The following FUT8 variants were observed in gnomAD, a reference collection of about 807,000 sequenced individuals.
FUT8 encodes the protein alpha-(1,6)-fucosyltransferase.
FUT8 carries 29 observed loss-of-function variants against 71.3 expected under a neutral mutation model. That is an observed-to-expected ratio of 0.41 (90% CI 0.30 to 0.55). FUT8 has a LOEUF of 0.55. FUT8 is among the 20% of genes least tolerant of loss of function. FUT8 has a pLI of 0.34. For missense variants in FUT8, 544 were observed against 702.1 expected (o/e 0.77, Z 2.55); for synonymous variants, 254 against 239.3 (o/e 1.06, Z -0.57).
At chr14:65,554,401 GT>G (rs201905501) in intron 2 of FUT8, among the ~76,000 whole-genome samples, 80 of 135,232 alleles carry the variant, frequency 5.9e-4, no homozygotes, top group East Asian at 2.1e-3. Context: ...TATGGTTTGG[GT>G]TTTTTTTTTA....
chr14:65,371,378 C>A, the FUT8 span, among the ~76,000 whole-genome samples: 1 of 152,178 alleles, frequency 6.6e-6, no homozygotes, highest in East Asian at 1.9e-4. Context: ...AGGAAATTAA[C>A]GTTGATGTAT....
chr14:65,539,772 A>G (rs1035971681), intron 2 of FUT8, among the ~76,000 whole-genome samples: 4 of 152,222 alleles, frequency 2.6e-5, no homozygotes, highest in African/African-American at 9.6e-5. Context: ...CCAATTATGT[A>G]TAAAATGGGG....
chr14:65,677,151 T>TGTGTGCGCGCGCGCGCGCGC, intron 7 of FUT8, among the ~76,000 whole-genome samples: 1 of 110,702 alleles, frequency 9.0e-6, no homozygotes, highest in Admixed American at 9.2e-5. Context: ...TGTGTGTGTG[T>TGTGTGCGCGCGCGCGCGCGC]GCGCGCGCGC....
At chr14:65,650,707 C>CAAAAAAAAAAAA (rs57971519) in intron 6 of FUT8, among the ~76,000 whole-genome samples, 14 of 118,954 alleles carry the variant, frequency 1.2e-4, no homozygotes, top group Middle Eastern at 4.4e-3. Context: ...CTGCTAATTA[C>CAAAAAAAAAAAA]AAAAAAAAAA....
chr14:65,367,782 C>G, the FUT8 span, among the ~76,000 whole-genome samples: 2 of 152,026 alleles, frequency 1.3e-5, no homozygotes, highest in African/African-American at 2.4e-5. Context: ...AGGCTTTTAC[C>G]CACCAAATCC....
At chr14:65,459,177 C>T (rs138506579) in intron 2 of FUT8, among the ~76,000 whole-genome samples, 10 of 152,204 alleles carry the variant, frequency 6.6e-5, no homozygotes, top group South Asian at 2.1e-4. Context: ...ATCTGTTCAA[C>T]GGGCAAATAC....
chr14:65,682,522 C>A (rs1471337576), intron 7 of FUT8, among the ~76,000 whole-genome samples: 1 of 151,372 alleles, frequency 6.6e-6, no homozygotes, highest in Non-Finnish European at 1.5e-5. Flanking sequence ...AAAAAAGGAA[C>A]CCCAAGGGAT....
At chr14:65,509,712 C>T (rs1194698105) in intron 2 of FUT8, among the ~76,000 whole-genome samples, 7 of 151,740 alleles carry the variant, frequency 4.6e-5, no homozygotes, top group Admixed American at 4.6e-4. Context: ...TTTTAAATTT[C>T]TTTTTCAATT....
chr14:65,739,106 G>GAAT (rs1305066336), intron 10 of FUT8, among the ~76,000 whole-genome samples: 11 of 151,982 alleles, frequency 7.2e-5, no homozygotes, highest in African/African-American at 2.7e-4. Flanking sequence ...TGTAAAATAT[G>GAAT]AATAATAATA....
rs185611741 is a variant in FUT8, at chr14:65,596,626, T to C, written c.204-19352T>C. Among the ~76,000 whole-genome samples the C allele has an allele frequency of 2.2e-3, 342 of 152,282 alleles. 3 individuals are homozygous for C. The highest frequency in any genetic ancestry group is 7.9e-3 in the African/African-American group (329 of 41,560). ...GGGGAGTTACTTATTTTTTAGATAATTTTCAACCAATACCTTTAGGGTAGC... is the reference window on the plus strand; with the variant it reads ...GGGGAGTTACTTATTTTTTAGATAACTTTCAACCAATACCTTTAGGGTAGC... On this transcript the variant is annotated intron_variant, in intron 3 of 10. Transcript: ENST00000673929.
chr14:65,682,754 G>A (rs1360652906), intron 7 of FUT8, among the ~76,000 whole-genome samples: 1 of 152,172 alleles, frequency 6.6e-6, no homozygotes, highest in Non-Finnish European at 1.5e-5. Flanking sequence ...ATGTAGAAGA[G>A]TGCATCAAAA....
At chr14:65,633,154 G>A (rs1410639189) in intron 6 of FUT8, among the ~76,000 whole-genome samples, 1 of 151,982 alleles carries the variant, frequency 6.6e-6, no homozygotes, top group African/African-American at 2.4e-5. Flanking sequence ...GAGTGCCTGC[G>A]ATTGCAGGCG....
chr14:65,508,255 G>T (rs1025486776), intron 2 of FUT8, among the ~76,000 whole-genome samples: 1 of 151,598 alleles, frequency 6.6e-6, no homozygotes, highest in Admixed American at 6.6e-5. Context: ...TTGTATTTTA[G>T]TAGAGACAGG....
At chr14:65,599,560 T>A (rs1330463111) in intron 3 of FUT8, among the ~76,000 whole-genome samples, 1 of 152,200 alleles carries the variant, frequency 6.6e-6, no homozygotes, top group Non-Finnish European at 1.5e-5. Context: ...TATAAAGGCC[T>A]TACAGCTCTG....
intron 1 of FUT8, among the ~76,000 whole-genome samples, chr14:65,437,000 A>G (rs151179734): frequency 1.3e-5 from 2 of 152,374 alleles, no homozygotes; most frequent in African/African-American, 4.8e-5. Context: ...ATAAAGGCCT[A>G]TTTCAGGTAC....
chr14:65,665,324 G>A (rs544232719), intron 6 of FUT8, among the ~76,000 whole-genome samples: 1 of 152,292 alleles, frequency 6.6e-6, no homozygotes, highest in South Asian at 2.1e-4. Flanking sequence ...ATGCTGAAAT[G>A]CTGCTGGAAT....
At chr14:65,592,901 T>G (rs1887767876) in intron 3 of FUT8, among the ~76,000 whole-genome samples, 1 of 152,210 alleles carries the variant, frequency 6.6e-6, no homozygotes, top group South Asian at 2.1e-4. Flanking sequence ...AGACATTTCT[T>G]GGACACTCAC....
At chr14:65,461,233 C>A (rs2065964528) in intron 2 of FUT8, among the ~76,000 whole-genome samples, 1 of 152,158 alleles carries the variant, frequency 6.6e-6, no homozygotes, top group African/African-American at 2.4e-5. Flanking sequence ...TAGCATAACT[C>A]CAATCTCTAC....
At chr14:65,665,691 A>G (rs990418628) in intron 6 of FUT8, among the ~76,000 whole-genome samples, 1 of 152,200 alleles carries the variant, frequency 6.6e-6, no homozygotes, top group Non-Finnish European at 1.5e-5. Context: ...CTAAATGCCC[A>G]TCAGTGGTAG....
Sources: gnomAD v4.1 joint callset for allele counts (sites outside exome capture counted in the v4.1 genomes callset) on GRCh38, gnomAD v4.1.1 for gene constraint, MANE v1.5 for transcripts, NCBI Gene and HGNC (gene_info 2026-07-23, HGNC 2026-07-21) for gene names.